The following PTPRD variants were observed in gnomAD, a reference collection of about 807,000 sequenced individuals.
PTPRD encodes the protein protein tyrosine phosphatase receptor type D.
Under a neutral mutation model 214.5 loss-of-function variants are expected in PTPRD, and 34 were observed. That is an observed-to-expected ratio of 0.16 (90% CI 0.12 to 0.21). PTPRD has a LOEUF of 0.21. Ranked by LOEUF, PTPRD falls within the 10% of genes least tolerant of loss-of-function variation. PTPRD has a pLI of 1.00. For missense variants in PTPRD, 2,545 were observed against 2,398.7 expected (o/e 1.06, Z -1.27); for synonymous variants, 1,128 against 845.7 (o/e 1.33, Z -5.79).
intron 39 of PTPRD, among the ~76,000 whole-genome samples, chr9:8,347,457 G>T (rs2074180179): frequency 6.6e-6 from 1 of 152,130 alleles, no homozygotes; most frequent in African/African-American, 2.4e-5. Context: ...TTACAGTTTA[G>T]TGGGGGAATC....
intron 8 of PTPRD, among the ~76,000 whole-genome samples, chr9:9,458,939 A>G (rs957480430): frequency 6.6e-6 from 1 of 152,076 alleles, no homozygotes; most frequent in African/African-American, 2.4e-5. Context: ...GACCCTGTCT[A>G]AAAATGAAAA....
chr9:10,482,272 G>GAGGC (rs2099104694), intron 2 of PTPRD, among the ~76,000 whole-genome samples: 2 of 152,004 alleles, frequency 1.3e-5, no homozygotes, highest in Non-Finnish European at 2.9e-5. Flanking sequence ...TGAGGAGGCT[G>GAGGC]AGGCAGGAGA....
intron 9 of PTPRD, among the ~76,000 whole-genome samples, chr9:9,191,634 G>GAA (rs1215649360): frequency 1.3e-5 from 2 of 152,012 alleles, no homozygotes; most frequent in Non-Finnish European, 2.9e-5. Flanking sequence ...GCCTGATGAT[G>GAA]ACCATATCTG....
At chr9:8,650,947 C>T (rs1235657208) in intron 12 of PTPRD, among the ~76,000 whole-genome samples, 5 of 151,632 alleles carry the variant, frequency 3.3e-5, no homozygotes, top group Non-Finnish European at 5.9e-5. Context: ...CAATGATTTG[C>T]AGGCTTCCAA....
At chr9:9,011,561 C>A (rs1352446672) in intron 11 of PTPRD, among the ~76,000 whole-genome samples, 1 of 152,130 alleles carries the variant, frequency 6.6e-6, no homozygotes, top group Non-Finnish European at 1.5e-5. Flanking sequence ...GGGTCACATG[C>A]TATTCCCTGC....
At chr9:8,636,634 C>G (rs988368321) in intron 13 of PTPRD, 65 bp downstream of exon 13, 2 of 1,567,086 alleles carry the variant, frequency 1.3e-6, no homozygotes, top group African/African-American at 1.4e-5. Context: ...AAGCAAGTAA[C>G]GTAGAAACCA....
chr9:9,528,478 C>A (rs79528222), intron 8 of PTPRD, among the ~76,000 whole-genome samples: 4,840 of 152,070 alleles, frequency 0.032, 267 homozygotes, highest in African/African-American at 0.11. Flanking sequence ...AGATTGATAA[C>A]AATGTAAATA....
chr9:8,382,931 G>A (rs1276686213), intron 37 of PTPRD, among the ~76,000 whole-genome samples: 2 of 152,172 alleles, frequency 1.3e-5, no homozygotes, highest in Non-Finnish European at 1.5e-5. Context: ...CACAAACCTG[G>A]CATTTGGAAA....
intron 9 of PTPRD, among the ~76,000 whole-genome samples, chr9:9,259,606 C>A (rs1416568107): frequency 1.3e-5 from 2 of 151,888 alleles, no homozygotes; most frequent in African/African-American, 2.4e-5. Context: ...TGAACACTAC[C>A]AGAACTCTAA....
At chr9:9,171,094 T>C (rs1348008894) in intron 10 of PTPRD, among the ~76,000 whole-genome samples, 1 of 152,122 alleles carries the variant, frequency 6.6e-6, no homozygotes, top group Non-Finnish European at 1.5e-5. Flanking sequence ...ACATTACAAA[T>C]TGAAAGTCAA....
At chr9:10,590,752 C>T (rs865897060) in intron 2 of PTPRD, among the ~76,000 whole-genome samples, 7 of 151,832 alleles carry the variant, frequency 4.6e-5, no homozygotes, top group South Asian at 2.1e-4. Flanking sequence ...TCTATACAGG[C>T]ACTCCCCCAA....
At chr9:10,600,900 C>T (rs2133349439) in intron 2 of PTPRD, among the ~76,000 whole-genome samples, 1 of 151,794 alleles carries the variant, frequency 6.6e-6, no homozygotes, top group South Asian at 2.1e-4. Context: ...TATGAGACAG[C>T]CTCTCCAACA....
At chr9:8,833,785 C>A (rs112178757) in intron 11 of PTPRD, among the ~76,000 whole-genome samples, 1 of 94,480 alleles carries the variant, frequency 1.1e-5, no homozygotes, top group Non-Finnish European at 2.1e-5. Flanking sequence ...GATTTAATAA[C>A]TGTTAAAATT....
intron 5 of PTPRD, among the ~76,000 whole-genome samples, chr9:9,919,799 G>T (rs76311415): frequency 3.9e-5 from 6 of 152,048 alleles, no homozygotes; most frequent in African/African-American, 9.7e-5. Flanking sequence ...CTCAGTCTTC[G>T]TTACTGCAGC....
chr9:8,468,511 G>T (rs892417696), intron 31 of PTPRD, among the ~76,000 whole-genome samples: 1 of 151,918 alleles, frequency 6.6e-6, no homozygotes, highest in African/African-American at 2.4e-5. Context: ...GTATCATGTG[G>T]AGAGCAGCCC....
At chr9:9,371,881 T>A (rs200742064) in intron 9 of PTPRD, among the ~76,000 whole-genome samples, 1,719 of 152,062 alleles carry the variant, frequency 0.011, 29 homozygotes, top group African/African-American at 0.039. Context: ...CCCAGTAGTC[T>A]TTCAGGAGCA....
At chr9:8,773,353 G>C (rs970089477) in intron 11 of PTPRD, among the ~76,000 whole-genome samples, 4 of 152,082 alleles carry the variant, frequency 2.6e-5, no homozygotes, top group Non-Finnish European at 4.4e-5. Flanking sequence ...CCCAACTCAG[G>C]AGTTTGCCAA....
At chr9:9,189,767 T>C (rs1040603958) in intron 9 of PTPRD, among the ~76,000 whole-genome samples, 7 of 152,130 alleles carry the variant, frequency 4.6e-5, no homozygotes, top group Non-Finnish European at 1.0e-4. Flanking sequence ...CTCTTTATTA[T>C]TTTGCTATGC....
At chr9:9,384,697 T>C (rs1586708810) in intron 9 of PTPRD, among the ~76,000 whole-genome samples, 2 of 152,010 alleles carry the variant, frequency 1.3e-5, no homozygotes, top group Non-Finnish European at 1.5e-5. Flanking sequence ...CCAATACTAA[T>C]AAAATGAGCT....
Sources: gnomAD v4.1 joint callset for allele counts (sites outside exome capture counted in the v4.1 genomes callset) on GRCh38, gnomAD v4.1.1 for gene constraint, MANE v1.5 for transcripts, NCBI Gene and HGNC (gene_info 2026-07-23, HGNC 2026-07-21) for gene names.